ENTR1: variants seen among roughly 807,000 people sequenced by gnomAD.
The protein encoded by ENTR1 is endosome associated trafficking regulator 1.
A neutral mutation model predicts 47.9 loss-of-function variants in ENTR1; 47 were observed. That is an observed-to-expected ratio of 0.98 (90% confidence interval 0.78 to 1.25). The LOEUF is 1.25. Among genes scored for constraint, ENTR1 ranks in the 50% most tolerant of loss-of-function variants. The pLI is 0.00. For missense variants in ENTR1, 668 were observed against 570.5 expected, an observed-to-expected ratio of 1.17 and a Z score of -1.74; for synonymous variants, 290 against 245.8, an observed-to-expected ratio of 1.18 and a Z score of -1.68.
rs372490803 is a variant in ENTR1 at position 136,405,243 on chromosome 9, C to G, written c.894-41G>C. ...CCCGAGTTGTTAATTTCTGTGGCTA[C>G]TTTTAAGAGGACTACAAAAAGATAC... On this transcript the variant is annotated intron_variant, in intron 6 of 9. Coordinates refer to ENST00000357365, the MANE Select transcript of ENTR1 (RefSeq NM_001039707.2). 308 of 1,493,570 alleles carry G rather than the reference C, an allele frequency of 2.1e-4. 1 individual carries two copies. Among genetic ancestry groups the G allele is most frequent in the Non-Finnish European group, 2.7e-4 (284 of 1,070,888 alleles). 92.5% of individuals were successfully genotyped at this position (1,493,570 alleles called of 1,614,324 possible).
chr9:136,409,298 A>C (rs1025592903), intron 2 of ENTR1, among the ~76,000 whole-genome samples: 2 of 151,204 alleles, frequency 1.3e-5, no homozygotes, highest in African/African-American at 4.9e-5. Context: ...CTCCTGCCTC[A>C]TCCTCCCGAG....
chr9:136,405,123 G>A lies in ENTR1; in HGVS notation c.973C>T (p.Gln325Ter), dbSNP rs1834701487. 6.2e-7 allele frequency: 1 copy of A among 1,613,774 alleles called. No homozygotes were observed. Among genetic ancestry groups the A allele is most frequent in the Non-Finnish European group, 8.5e-7 (1 of 1,179,818 alleles). The change falls in exon 7 of 10, where the codon CAG becomes TAG. Residue 325 changes from glutamine to a stop codon, truncating the protein, a stop_gained. Transcript: ENST00000357365. LOFTEE classifies it high-confidence loss of function. The stretch of plus-strand genomic sequence containing the variant: ...AGCTCCAGGTTCTGCTCCACCTGCT[G>A]AACCACCGACTCCAGGTCGTGGTAG... ...SDYHDLESVV[Q>*]QVEQNLELMT... is the part of the protein sequence containing the mutation.
rs1835040152 is a variant in ENTR1 at position 136,410,322 on chromosome 9, G to A, written c.70+6C>T. On this transcript the variant is annotated splice_donor_region_variant and intron_variant, in intron 1 of 9. Coordinates refer to ENST00000357365, the MANE Select transcript of ENTR1 (RefSeq NM_001039707.2). ...GACCGCTGGACTCGGCCCCTGCCCC[G>A]CTCACCGTCGGGAATGGCGAGGCTC... 3 of 1,547,334 alleles carry A rather than the reference G, an allele frequency of 1.9e-6. No individual in the cohort carries two copies. Among genetic ancestry groups the A allele is most frequent in the East Asian group, 2.5e-5 (1 of 40,748 alleles).
At chr9:136,404,609 T>C (rs1834670241) in intron 8 of ENTR1, 22 bp downstream of exon 8, 8 of 1,611,990 alleles carry the variant, frequency 5.0e-6, no homozygotes, top group Non-Finnish European at 6.8e-6. Flanking sequence ...AGAAAAACAC[T>C]GAAGTCCCTT....
At chr9:136,409,459 G>A (rs1258440894) in intron 2 of ENTR1, among the ~76,000 whole-genome samples, 5 of 152,176 alleles carry the variant, frequency 3.3e-5, no homozygotes, top group Non-Finnish European at 7.3e-5. Flanking sequence ...GGGATTACAG[G>A]CGTAAGCCAC....
chr9:136,405,870 T>C (rs1198136874), intron 6 of ENTR1, 35 bp downstream of exon 6: 1 of 1,332,310 alleles, frequency 7.5e-7, no homozygotes, highest in South Asian at 1.3e-5. Flanking sequence ...GTATTAGATG[T>C]TGTGGATTGC....
chr9:136,402,655 C>T lies in ENTR1; in HGVS notation c.*133G>A, dbSNP rs1564403083. 1.6e-6 allele frequency: 1 copy of T among 644,614 alleles called. No individual in the cohort carries two copies. The highest frequency in any genetic ancestry group is 2.7e-6 in the Non-Finnish European group (1 of 366,966). 39.9% of individuals were successfully genotyped at this position (644,614 alleles called of 1,614,324 possible). A position where few individuals can be genotyped will look rare whatever the true frequency, so the allele number is the denominator to read the frequency against. On this transcript the variant is annotated 3_prime_UTR_variant, in exon 10 of 10. Transcript: ENST00000357365. Reference sequence around the variant, plus strand: ...GGCCAAGAACTGGCTGAGGGCACGACACTGGACTCTTGCGATCAACACTTT... The same window carrying T: ...GGCCAAGAACTGGCTGAGGGCACGATACTGGACTCTTGCGATCAACACTTT...
intron 9 of ENTR1, 43 bp from the exon 10 acceptor site, chr9:136,402,930 T>C (rs1281461591): frequency 7.8e-7 from 1 of 1,276,624 alleles, no homozygotes; most frequent in East Asian, 4.0e-5. Flanking sequence ...CAGCAGCTAC[T>C]CAGCAGCAAC....
intron 2 of ENTR1, 172 bp downstream of exon 2, chr9:136,409,918 A>C (rs951501567): frequency 2.4e-6 from 2 of 830,680 alleles, no homozygotes; most frequent in African/African-American, 3.4e-5. Flanking sequence ...TCTCCCCGCA[A>C]CCAGACTGTG....
rs187602827 is a variant in ENTR1, at chr9:136,408,556, C to T, written c.289+443G>A. On this transcript the variant is annotated intron_variant, in intron 3 of 9. Transcript: ENST00000357365. ...TCGTGCCACTGTACTCCAGCCTGGG[C>T]GACAGAGCGAGACTCTGTCTCAAAA... Among the ~76,000 whole-genome samples, 246 of 152,164 alleles carry T rather than the reference C, an allele frequency of 1.6e-3. 1 individual carries two copies. The highest frequency in any genetic ancestry group is 6.8e-3 in the Middle Eastern group (2 of 294).
chr9:136,405,223 G>C, intron 6 of ENTR1, 21 bp from the exon 7 acceptor site: 1 of 1,582,030 alleles, frequency 6.3e-7, no homozygotes, highest in Non-Finnish European at 8.7e-7. Flanking sequence ...AAAAACCCGA[G>C]TTGTTAATTT....
chr9:136,404,471 T>C (rs529034694), intron 8 of ENTR1, among the ~76,000 whole-genome samples, 160 bp downstream of exon 8: 1 of 152,214 alleles, frequency 6.6e-6, no homozygotes, highest in Non-Finnish European at 1.5e-5. Context: ...CTCCCTCTGC[T>C]TCACGCCCTG....
intron 5 of ENTR1, among the ~76,000 whole-genome samples, chr9:136,406,702 G>C (rs13295777): frequency 9.7e-5 from 14 of 143,684 alleles, no homozygotes; most frequent in East Asian, 2.2e-4. Flanking sequence ...GTCTCAAACT[G>C]CTGACCTCAG....
chr9:136,407,648 G>A, intron 4 of ENTR1, 87 bp from the exon 5 acceptor site: 1 of 1,472,560 alleles, frequency 6.8e-7, no homozygotes, highest in Non-Finnish European at 9.0e-7. Context: ...CTCGCAACAA[G>A]AAGAAAGGCC....
chr9:136,406,603 A>G lies in ENTR1; in HGVS notation c.819+542T>C, dbSNP rs557207900. ...GCGATTCTCCTGCCTCAGCCTCCCA[A>G]GTAGCTGGGACTACAGGCGCCTGCC... On this transcript the variant is annotated intron_variant, in intron 5 of 9. Coordinates refer to ENST00000357365, the MANE Select transcript of ENTR1 (RefSeq NM_001039707.2). 2.9e-4 allele frequency among the ~76,000 whole-genome samples: 44 copies of G among 151,920 alleles called. 1 individual carries two copies. The highest frequency in any genetic ancestry group is 1.0e-3 in the African/African-American group (42 of 41,480).
At chr9:136,404,217 G>C (rs766781707) in intron 8 of ENTR1, 23 bp from the exon 9 acceptor site, 19 of 1,586,994 alleles carry the variant, frequency 1.2e-5, no homozygotes, top group Admixed American at 1.8e-5. Flanking sequence ...TTACGGCTAA[G>C]GACAGAGCAG....
At position 136,407,941 on chromosome 9, in the gene ENTR1, G is replaced by A. The variant is rs200490071; in HGVS notation, c.290-3C>T. On this transcript the variant is annotated splice_region_variant and splice_polypyrimidine_tract_variant and intron_variant, in intron 3 of 9. Coordinates refer to ENST00000357365, the MANE Select transcript of ENTR1 (RefSeq NM_001039707.2). Reference sequence around the variant, plus strand: ...TTCCAGATCTTCAAATCTGTCATCTGAAATAACAGACATCACAAATGCATA... The same window carrying A: ...TTCCAGATCTTCAAATCTGTCATCTAAAATAACAGACATCACAAATGCATA... The A allele has an allele frequency of 1.3e-6, 2 of 1,552,628 alleles. No homozygotes were observed. Among genetic ancestry groups the A allele is most frequent in the African/African-American group, 1.4e-5 (1 of 73,842 alleles).
Position 136,410,593 on chromosome 9 carries a change from T to G in ENTR1, c.-196A>C. The G allele has an allele frequency of 1.6e-6, 2 of 1,261,878 alleles. No homozygotes were observed. Among genetic ancestry groups the G allele is most frequent in the South Asian group, 2.8e-5 (1 of 35,516 alleles). 78.2% of individuals were successfully genotyped at this position (1,261,878 alleles called of 1,614,324 possible). On this transcript the variant is annotated 5_prime_UTR_variant, in exon 1 of 10. Transcript: ENST00000357365. ...CACCGAAAGCGCGTGCCTGAACGCCTTGGGCCGTCGGCGAGGGGGAGGGGA... is the reference window on the plus strand; with the variant it reads ...CACCGAAAGCGCGTGCCTGAACGCCGTGGGCCGTCGGCGAGGGGGAGGGGA...
In ENTR1 at chr9:136,402,831, A is replaced by G. The variant is rs1834548929; in HGVS notation, c.1265T>C (p.Ile422Thr). The change falls in exon 10 of 10, where the codon ATA becomes ACA. Residue 422 changes from isoleucine to threonine, a missense_variant. Transcript: ENST00000357365. ...GTCTTTAACTTCAGAAATTCTGTCT[A>G]TAGATTTAAGGATTTCGGCAACAAG... Reference protein sequence around the residue: ...LNLVAEILKSIDRISEVKDEE... With the variant: ...LNLVAEILKSTDRISEVKDEE... 3 of 1,613,038 alleles carry G rather than the reference A, an allele frequency of 1.9e-6. No homozygotes were observed. The highest frequency in any genetic ancestry group is 2.5e-6 in the Non-Finnish European group (3 of 1,179,830).
Sources: gnomAD v4.1 joint callset for allele counts (sites outside exome capture counted in the v4.1 genomes callset) on GRCh38, gnomAD v4.1.1 for gene constraint, MANE v1.5 for transcripts, NCBI Gene and HGNC (gene_info 2026-07-23, HGNC 2026-07-21) for gene names.